Variants in GLIS3 observed in about 807,000 individuals in gnomAD.
The protein encoded by GLIS3 is GLIS family zinc finger 3, also known as zinc finger protein GLIS3.
In GLIS3, 53 loss-of-function variants were observed where a neutral mutation model predicts 78.6. The observed-to-expected ratio is 0.67, with a 90% CI of 0.54 to 0.85. The LOEUF (loss-of-function observed/expected upper bound fraction) is 0.85, where lower values mean the gene tolerates loss of function less well. Ranked by LOEUF, GLIS3 falls within the 40% of genes least tolerant of loss-of-function variation. GLIS3 has a pLI of 0.00. For synonymous variants in GLIS3, 684 were observed against 509.9 expected (o/e 1.34, Z -4.60); for missense variants, 1,703 against 1,231.1 (o/e 1.38, Z -5.74).
chr9:4,297,958 G>C (rs1042696571), intron 1 of GLIS3, among the ~76,000 whole-genome samples: 1 of 152,148 alleles, frequency 6.6e-6, no homozygotes, highest in Non-Finnish European at 1.5e-5. Context: ...TCCGGAGGCG[G>C]AGGCGACAGC....
the GLIS3 span, among the ~76,000 whole-genome samples, chr9:4,386,799 C>A: frequency 6.6e-6 from 1 of 152,112 alleles, no homozygotes; most frequent in Non-Finnish European, 1.5e-5. Flanking sequence ...TGTGAATTGG[C>A]CTTATGTTCC....
chr9:3,923,900 G>A lies in GLIS3; in HGVS notation c.1983+8460C>T, dbSNP rs746766868. Among the ~76,000 whole-genome samples, 118 of 152,310 alleles carry A rather than the reference G, an allele frequency of 7.7e-4. 1 individual carries two copies. Among genetic ancestry groups the A allele is most frequent in the Non-Finnish European group, 9.9e-4 (67 of 68,008 alleles). On this transcript the variant is annotated intron_variant, in intron 6 of 10. Transcript: ENST00000381971. ...AGCCTGTAATCCCACCACTTTGGGA[G>A]GCCAAGGCAGGTGGATCACTTGAGG...
Position 3,977,113 on chromosome 9 carries a change from G to A in GLIS3, c.1711-39924C>T, listed in dbSNP as rs777755047. Among the ~76,000 whole-genome samples, 2 of 152,070 alleles carry A rather than the reference G, an allele frequency of 1.3e-5. No individual in the cohort carries two copies. The highest frequency in any genetic ancestry group is 2.4e-5 in the African/African-American group (1 of 41,396). ...GGCTCTGAACTGCATACTGCTAGTT[G>A]ATGACCAGTTTTCACTTAGGATCTG... On this transcript the variant is annotated intron_variant, in intron 4 of 10. Transcript: ENST00000381971. This position sits in a 1 kb window ranked among gnomAD's most constrained non-coding sequence, Gnocchi z 4.1.
intron 9 of GLIS3, among the ~76,000 whole-genome samples, chr9:3,845,063 A>G (rs1041494205): frequency 3.3e-5 from 4 of 120,514 alleles, no homozygotes; most frequent in African/African-American, 1.1e-4. Context: ...GTGCAAAGAT[A>G]TATATATATG....
intron 2 of GLIS3, among the ~76,000 whole-genome samples, chr9:4,247,758 A>C (rs1823933534): frequency 6.6e-6 from 1 of 151,720 alleles, no homozygotes; most frequent in East Asian, 1.9e-4. Flanking sequence ...AAACCGAAAA[A>C]CTAAATTAAG....
chr9:4,479,523 G>C, the GLIS3 span, among the ~76,000 whole-genome samples: 1 of 152,132 alleles, frequency 6.6e-6, no homozygotes, highest in Non-Finnish European at 1.5e-5. Context: ...CTGTACATTG[G>C]GCCAGTTCAC....
intron 2 of GLIS3, among the ~76,000 whole-genome samples, chr9:4,241,613 T>A (rs1214275763): frequency 6.6e-6 from 1 of 152,138 alleles, no homozygotes; most frequent in African/African-American, 2.4e-5. Flanking sequence ...TATCAATTTT[T>A]AAAAAAAATT....
At chr9:3,951,574 C>A (rs547692692) in intron 4 of GLIS3, among the ~76,000 whole-genome samples, 1 of 151,734 alleles carries the variant, frequency 6.6e-6, no homozygotes, top group Non-Finnish European at 1.5e-5. Flanking sequence ...TGGCAGCTGG[C>A]CCTTTAAAAA....
intron 2 of GLIS3, among the ~76,000 whole-genome samples, chr9:4,320,002 TGTGTGTGTGTGTGTGTGTGTGTGC>T (rs946495793): frequency 3.0e-4 from 18 of 59,316 alleles, no homozygotes; most frequent in Middle Eastern, 0.014. Flanking sequence ...TGTGTGTGTG[TGTGTGTGTGTGTGTGTGTGTGTGC>T]GCGCGCACAA....
chr9:4,141,312 T>A (rs1833796733), intron 2 of GLIS3, among the ~76,000 whole-genome samples: 1 of 151,756 alleles, frequency 6.6e-6, no homozygotes, highest in Admixed American at 6.6e-5. Context: ...GCAGTGGGGG[T>A]AAAAGGTATG....
rs1826188150 is a variant in GLIS3, at chr9:4,268,144, G to A, written c.388+17894C>T. The stretch of plus-strand genomic sequence containing the variant: ...AGCCAAAGTGGCTGGTTCAAATCCT[G>A]ACTCTGCCACTTACAGGCTGTATGA... On this transcript the variant is annotated intron_variant, in intron 2 of 10. Coordinates refer to ENST00000381971, the MANE Select transcript of GLIS3 (RefSeq NM_001042413.2). Among the ~76,000 whole-genome samples the A allele has an allele frequency of 1.3e-5, 2 of 152,132 alleles. 1 individual carries two copies. Among genetic ancestry groups the A allele is most frequent in the East Asian group, 3.9e-4 (2 of 5,192 alleles).
At chr9:3,884,461 T>C (rs1821940428) in intron 7 of GLIS3, among the ~76,000 whole-genome samples, 1 of 152,212 alleles carries the variant, frequency 6.6e-6, no homozygotes. Context: ...GCAAGAGTCC[T>C]GCTTCTCAAG....
chr9:4,266,883 C>T (rs900468945), intron 2 of GLIS3, among the ~76,000 whole-genome samples: 2 of 152,164 alleles, frequency 1.3e-5, no homozygotes, highest in Non-Finnish European at 2.9e-5. Flanking sequence ...TGGCAACTCT[C>T]AGAACCTAAT....
chr9:3,906,486 A>G (rs1823712359), intron 6 of GLIS3, among the ~76,000 whole-genome samples: 1 of 152,190 alleles, frequency 6.6e-6, no homozygotes, highest in Non-Finnish European at 1.5e-5. Flanking sequence ...CCCGAGGAAC[A>G]GCAAAGGAGA....
At chr9:4,032,301 A>G (rs954838526) in intron 4 of GLIS3, among the ~76,000 whole-genome samples, 1 of 152,162 alleles carries the variant, frequency 6.6e-6, no homozygotes, top group Admixed American at 6.5e-5. Flanking sequence ...GTTTCTTAGA[A>G]TTGGCTCTAA....
intron 2 of GLIS3, among the ~76,000 whole-genome samples, chr9:4,194,685 T>C (rs1035131355): frequency 6.6e-6 from 1 of 152,098 alleles, no homozygotes; most frequent in Admixed American, 6.5e-5. Context: ...TGGCAGCATC[T>C]CGCTGATAAA....
At chr9:4,166,004 G>T (rs749358599) in intron 2 of GLIS3, among the ~76,000 whole-genome samples, 1 of 152,148 alleles carries the variant, frequency 6.6e-6, no homozygotes, top group East Asian at 1.9e-4. Context: ...ATATTTAACA[G>T]GACAGGTTCT....
intron 2 of GLIS3, among the ~76,000 whole-genome samples, chr9:4,210,568 T>C (rs569907259): frequency 6.6e-6 from 1 of 152,342 alleles, no homozygotes; most frequent in African/African-American, 2.4e-5. Flanking sequence ...CAAATTTTAG[T>C]GAGCTGCCCT....
chr9:4,298,394 C>T (rs1434495412), intron 1 of GLIS3: 23 of 456,282 alleles, frequency 5.0e-5, no homozygotes, highest in Admixed American at 4.7e-4. Flanking sequence ...CTAATTGAAT[C>T]ATCCATAGGA....
Sources: allele counts gnomAD v4.1 joint callset (sites outside exome capture counted in the v4.1 genomes callset), GRCh38; gene constraint gnomAD v4.1.1; non-coding constraint Gnocchi (gnomAD v3.1); transcripts MANE v1.5; gene names NCBI Gene and HGNC (gene_info 2026-07-23, HGNC 2026-07-21).